The following SMOC2 variants were observed in gnomAD, a reference collection of about 807,000 sequenced individuals.
SMOC2 encodes the protein SPARC-related modular calcium-binding protein 2.
SMOC2 carries 39 observed loss-of-function variants against 61.4 expected under a neutral mutation model. The ratio of observed to expected loss-of-function variants is 0.64; its 90% CI spans 0.49 to 0.83. The LOEUF is 0.83. SMOC2 is among the 40% of genes least tolerant of loss of function. SMOC2 has a pLI of 0.00. For synonymous variants in SMOC2, 247 were observed against 239.9 expected (o/e 1.03, Z -0.27); for missense variants, 556 against 592.9 (o/e 0.94, Z 0.65).
At chr6:168,516,724 G>A (rs962732188) in intron 2 of SMOC2, among the ~76,000 whole-genome samples, 6 of 152,104 alleles carry the variant, frequency 3.9e-5, no homozygotes, top group African/African-American at 1.4e-4. Context: ...AGATTATTAG[G>A]CGGGCAGATC....
chr6:168,607,868 TTGGCA>T (rs1785750440), intron 8 of SMOC2, among the ~76,000 whole-genome samples: 6 of 151,386 alleles, frequency 4.0e-5, no homozygotes, highest in South Asian at 2.1e-4. Flanking sequence ...GTGTGGGTGC[TTGGCA>T]GCTGCTAGAT....
At chr6:168,562,418 A>G (rs9689198) in intron 7 of SMOC2, among the ~76,000 whole-genome samples, 268 of 20,184 alleles carry the variant, frequency 0.013, 8 homozygotes, top group Middle Eastern at 0.038. Context: ...TCATTTTCAT[A>G]CCCTGAGACA....
intron 9 of SMOC2, among the ~76,000 whole-genome samples, chr6:168,635,393 G>A (rs1215573844): frequency 6.6e-6 from 1 of 152,180 alleles, no homozygotes; most frequent in Non-Finnish European, 1.5e-5. Flanking sequence ...CATTCTGTGG[G>A]GGCAGCTCTT....
chr6:168,632,263 T>C (rs1786589850), intron 9 of SMOC2, among the ~76,000 whole-genome samples: 1 of 152,192 alleles, frequency 6.6e-6, no homozygotes, highest in Admixed American at 6.5e-5. Flanking sequence ...CGGCTGGGGC[T>C]TCCTTAATTA....
At chr6:168,594,005 A>C (rs1168862488) in intron 7 of SMOC2, among the ~76,000 whole-genome samples, 1 of 28,316 alleles carries the variant, frequency 3.5e-5, no homozygotes, top group African/African-American at 1.1e-4. Flanking sequence ...CTGAGGCCTC[A>C]CGGGCATCTT....
chr6:168,599,260 ACACACACCCACGCTCT>A (rs1448982751), intron 8 of SMOC2, among the ~76,000 whole-genome samples: 2 of 140,428 alleles, frequency 1.4e-5, no homozygotes, highest in African/African-American at 5.4e-5. Flanking sequence ...ACACATACCC[ACACACACCCACGCTCT>A]CACACACCCA....
intron 1 of SMOC2, among the ~76,000 whole-genome samples, chr6:168,458,976 C>T (rs1478442490): frequency 1.3e-5 from 2 of 152,196 alleles, no homozygotes; most frequent in Admixed American, 1.3e-4. Context: ...TTGTCATCAA[C>T]AGTGTGGAAA....
At chr6:168,460,193 T>A (rs1253319106) in intron 1 of SMOC2, among the ~76,000 whole-genome samples, 1 of 152,186 alleles carries the variant, frequency 6.6e-6, no homozygotes, top group Admixed American at 6.5e-5. Context: ...ACCTATGTAT[T>A]TAAATGACCT....
At chr6:168,478,931 C>T (rs560464055) in intron 1 of SMOC2, among the ~76,000 whole-genome samples, 13 of 145,234 alleles carry the variant, frequency 9.0e-5, no homozygotes, top group African/African-American at 3.3e-4. Context: ...GTTTACAGAC[C>T]CTGTCTCGGG....
chr6:168,576,066 C>A (rs966461455), intron 7 of SMOC2, among the ~76,000 whole-genome samples: 1 of 152,090 alleles, frequency 6.6e-6, no homozygotes, highest in Non-Finnish European at 1.5e-5. Context: ...CCCTCCCTAC[C>A]CTAGCCTTGG....
chr6:168,464,242 GGAA>G (rs1390787765), intron 1 of SMOC2, among the ~76,000 whole-genome samples: 8 of 151,216 alleles, frequency 5.3e-5, no homozygotes, highest in Admixed American at 4.6e-4. Flanking sequence ...AAGGAAGGAA[GGAA>G]GAAAGGAAGG....
chr6:168,473,774 G>A (rs1327770353), intron 1 of SMOC2, among the ~76,000 whole-genome samples: 1 of 152,086 alleles, frequency 6.6e-6, no homozygotes, highest in African/African-American at 2.4e-5. Context: ...GCCAAGGAAA[G>A]TGTCTTCTCA....
chr6:168,499,510 C>A (rs1018054460), intron 1 of SMOC2, among the ~76,000 whole-genome samples: 1 of 152,112 alleles, frequency 6.6e-6, no homozygotes, highest in South Asian at 2.1e-4. Flanking sequence ...ATGAAGTGTG[C>A]GGCAGATGGG....
rs762716645 is a variant in SMOC2 at position 168,443,606 on chromosome 6, A to C, written c.84+2152A>C. 5.3e-4 allele frequency among the ~76,000 whole-genome samples: 80 copies of C among 152,246 alleles called. 1 individual carries two copies. Among genetic ancestry groups the C allele is most frequent in the Non-Finnish European group, 9.3e-4 (63 of 68,028 alleles). On this transcript the variant is annotated intron_variant, in intron 1 of 12. Coordinates refer to ENST00000356284, the MANE Select transcript of SMOC2 (RefSeq NM_001166412.2). The stretch of plus-strand genomic sequence containing the variant: ...AAATCAAGAAGTAGTTGAGTTACAA[A>C]GTAACTGAGGCAGGCCTGAAATCTG...
intron 1 of SMOC2, among the ~76,000 whole-genome samples, chr6:168,480,428 T>C (rs1782180913): frequency 6.6e-6 from 1 of 151,878 alleles, no homozygotes; most frequent in Non-Finnish European, 1.5e-5. Context: ...ATAGGAAACC[T>C]AAAAGAAATA....
At chr6:168,518,065 C>T (rs1046639415) in intron 2 of SMOC2, among the ~76,000 whole-genome samples, 1 of 152,218 alleles carries the variant, frequency 6.6e-6, no homozygotes, top group Non-Finnish European at 1.5e-5. Context: ...ACTCAGCGGC[C>T]TAGAAACAGG....
At chr6:168,533,471 T>C (rs756905527) in intron 4 of SMOC2, among the ~76,000 whole-genome samples, 2 of 152,208 alleles carry the variant, frequency 1.3e-5, no homozygotes, top group Non-Finnish European at 2.9e-5. Context: ...TTCACATGAA[T>C]TTCCCTGGCA....
Position 168,521,716 on chromosome 6 carries a change from C to G in SMOC2, c.257-4630C>G, listed in dbSNP as rs1583077309. ...TGGGCAACAAATCAATACCCCATCT[C>G]TACGAAAATTAAAAAATTTGCCAGT... On this transcript the variant is annotated intron_variant, in intron 2 of 12. Transcript: ENST00000356284. Among the ~76,000 whole-genome samples, 4 of 152,278 alleles carry G rather than the reference C, an allele frequency of 2.6e-5. No homozygotes were observed. The South Asian group carries it at 6.2e-4, about 24-fold the overall frequency.
intron 1 of SMOC2, among the ~76,000 whole-genome samples, chr6:168,467,131 T>C (rs1435382509): frequency 1.8e-5 from 2 of 113,430 alleles, no homozygotes; most frequent in African/African-American, 6.6e-5. Context: ...AAATCAGTGC[T>C]CTCAAACACA....
Sources: allele counts gnomAD v4.1 joint callset (sites outside exome capture counted in the v4.1 genomes callset), GRCh38; gene constraint gnomAD v4.1.1; transcripts MANE v1.5; gene names NCBI Gene and HGNC (gene_info 2026-07-23, HGNC 2026-07-21).